The following SOX5 variants were observed in gnomAD, a reference collection of about 807,000 sequenced individuals.
The protein encoded by SOX5 is transcription factor SOX-5.
In SOX5, 9 loss-of-function variants were observed where a neutral mutation model predicts 92.0. That is an observed-to-expected ratio of 0.10 (90% CI 0.06 to 0.17). The LOEUF (loss-of-function observed/expected upper bound fraction) is 0.17, where lower values mean the gene tolerates loss of function less well. SOX5 is among the 10% of genes least tolerant of loss of function. The probability of loss-of-function intolerance (pLI) is 1.00; values close to 1 mark genes in which losing one functional copy is unlikely to be tolerated. For synonymous variants in SOX5, 344 were observed against 336.3 expected, an observed-to-expected ratio of 1.02 and a Z score of -0.25; for missense variants, 642 against 944.5, an observed-to-expected ratio of 0.68 and a Z score of 4.20.
intron 1 of SOX5, among the ~76,000 whole-genome samples, chr12:24,434,486 G>A (rs1289545503): frequency 6.6e-6 from 1 of 152,100 alleles, no homozygotes; most frequent in Non-Finnish European, 1.5e-5. Flanking sequence ...TCCCTTCTCT[G>A]TACTCCTAAA....
At chr12:23,762,473 C>A in intron 3 of SOX5, 1 of 422,802 alleles carries the variant, frequency 2.4e-6, no homozygotes, top group Non-Finnish European at 4.2e-6. Context: ...AACTCCATAG[C>A]ATTAAGATTT....
chr12:24,389,234 A>G (rs1445344020), intron 1 of SOX5, among the ~76,000 whole-genome samples: 2 of 151,808 alleles, frequency 1.3e-5, no homozygotes, highest in African/African-American at 4.8e-5. Flanking sequence ...GCGATAGTTT[A>G]CTGAGAATGA....
intron 2 of SOX5, among the ~76,000 whole-genome samples, chr12:24,364,131 T>C (rs989350167): frequency 3.9e-5 from 6 of 152,152 alleles, no homozygotes; most frequent in African/African-American, 1.2e-4. Flanking sequence ...ACTCAAAACA[T>C]GTATGTGAAT....
chr12:24,350,791 G>C (rs942771222), intron 2 of SOX5, among the ~76,000 whole-genome samples: 3 of 152,176 alleles, frequency 2.0e-5, no homozygotes, highest in Non-Finnish European at 2.9e-5. Context: ...AGTGGTTCAT[G>C]CCTGTAGTCC....
chr12:24,296,551 GGATAT>G (rs2140568767), intron 2 of SOX5, among the ~76,000 whole-genome samples: 1 of 152,204 alleles, frequency 6.6e-6, no homozygotes, highest in Admixed American at 6.5e-5. Context: ...AAGCATATGT[GGATAT>G]TTATACTGTA....
intron 2 of SOX5, among the ~76,000 whole-genome samples, chr12:24,340,375 G>A (rs903760079): frequency 3.3e-5 from 5 of 152,168 alleles, no homozygotes; most frequent in Non-Finnish European, 5.9e-5. Context: ...TCAAAGCATT[G>A]GCACCCAACT....
At chr12:24,313,430 T>C (rs1949392729) in intron 2 of SOX5, among the ~76,000 whole-genome samples, 1 of 152,134 alleles carries the variant, frequency 6.6e-6, no homozygotes. Flanking sequence ...CTCAGAAGGC[T>C]GAGGTGGAAG....
chr12:24,529,690 A>G (rs1403332093), intron 1 of SOX5, among the ~76,000 whole-genome samples: 1 of 152,192 alleles, frequency 6.6e-6, no homozygotes, highest in African/African-American at 2.4e-5. Flanking sequence ...TTTTTTCAAG[A>G]GTTATCGCTT....
At chr12:23,893,723 G>T (rs2097151406) in intron 2 of SOX5, among the ~76,000 whole-genome samples, 1 of 152,246 alleles carries the variant, frequency 6.6e-6, no homozygotes, top group East Asian at 1.9e-4. Flanking sequence ...ATTAAAAGTG[G>T]AAAAGGCATA....
intron 1 of SOX5, among the ~76,000 whole-genome samples, chr12:24,441,124 C>T (rs879909835): frequency 7.9e-5 from 12 of 152,180 alleles, no homozygotes; most frequent in Admixed American, 4.6e-4. Flanking sequence ...CCAGAACCCA[C>T]GTCATAAGAC....
intron 1 of SOX5, among the ~76,000 whole-genome samples, chr12:24,529,798 T>C (rs1951017428): frequency 6.6e-6 from 1 of 152,138 alleles, no homozygotes; most frequent in Non-Finnish European, 1.5e-5. Flanking sequence ...GGTGGGCAGA[T>C]CACGAGGTCA....
chr12:24,198,491 T>A (rs150021547), intron 4 of SOX5, among the ~76,000 whole-genome samples: 20 of 152,316 alleles, frequency 1.3e-4, no homozygotes, highest in Admixed American at 1.3e-3. Flanking sequence ...ATAAATTCCA[T>A]GTGAACTCAC....
At chr12:23,785,768 A>C (rs1173346533) in intron 3 of SOX5, among the ~76,000 whole-genome samples, 1 of 152,160 alleles carries the variant, frequency 6.6e-6, no homozygotes, top group Non-Finnish European at 1.5e-5. Context: ...ACTAAAATGC[A>C]TTGGGGATGC....
chr12:24,537,518 C>T (rs2138742496), intron 1 of SOX5, among the ~76,000 whole-genome samples: 1 of 152,320 alleles, frequency 6.6e-6, no homozygotes, highest in South Asian at 2.1e-4. Flanking sequence ...CAGTATATAA[C>T]ATTTTAACAT....
At chr12:24,185,101 A>C (rs1260330523) in intron 4 of SOX5, among the ~76,000 whole-genome samples, 1 of 152,124 alleles carries the variant, frequency 6.6e-6, no homozygotes, top group Non-Finnish European at 1.5e-5. Flanking sequence ...ACTCTGAAAC[A>C]CATTTTCTCA....
At chr12:24,175,407 C>G (rs975653912) in intron 4 of SOX5, among the ~76,000 whole-genome samples, 15 of 152,236 alleles carry the variant, frequency 9.9e-5, no homozygotes, top group African/African-American at 3.6e-4. Context: ...AAGCAGTACT[C>G]TACTCTCAGA....
At chr12:24,275,773 G>A (rs1462666285) in intron 3 of SOX5, among the ~76,000 whole-genome samples, 1 of 152,112 alleles carries the variant, frequency 6.6e-6, no homozygotes, top group Non-Finnish European at 1.5e-5. Context: ...ATTTAAGGCT[G>A]TTTACAGAAG....
chr12:23,933,701 A>C (rs1370032592), intron 1 of SOX5, among the ~76,000 whole-genome samples: 2 of 151,536 alleles, frequency 1.3e-5, no homozygotes, highest in African/African-American at 4.8e-5. Context: ...ACAATATCGA[A>C]TTCTAGGGTC....
chr12:23,863,054 T>C (rs931072308), intron 2 of SOX5, among the ~76,000 whole-genome samples: 3 of 152,198 alleles, frequency 2.0e-5, no homozygotes, highest in Non-Finnish European at 4.4e-5. Context: ...GAGTTTGAAA[T>C]GATCTAAATG....
Sources: gnomAD v4.1 joint callset for allele counts (sites outside exome capture counted in the v4.1 genomes callset) on GRCh38, gnomAD v4.1.1 for gene constraint, MANE v1.5 for transcripts, NCBI Gene and HGNC (gene_info 2026-07-23, HGNC 2026-07-21) for gene names.